Variants in DCAF7 observed in about 807,000 individuals in gnomAD.
The protein encoded by DCAF7 is DDB1- and CUL4-associated factor 7.
In DCAF7, 4 loss-of-function variants were observed where a neutral mutation model predicts 41.2. That is an observed-to-expected ratio of 0.10 (90% CI 0.05 to 0.22). The LOEUF (loss-of-function observed/expected upper bound fraction) is 0.22, where lower values mean the gene tolerates loss of function less well. Among genes scored for constraint, DCAF7 ranks in the 10% least tolerant of loss-of-function variants. DCAF7 has a pLI of 1.00. For missense variants in DCAF7, 131 were observed against 443.2 expected, an observed-to-expected ratio of 0.30 and a Z score of 6.32; for synonymous variants, 143 against 164.2, an observed-to-expected ratio of 0.87 and a Z score of 0.99.
chr17:63,559,343 A>ATG, intron 1 of DCAF7, among the ~76,000 whole-genome samples: 1 of 135,008 alleles, frequency 7.4e-6, no homozygotes, highest in African/African-American at 3.0e-5. Flanking sequence ...ACATACATAT[A>ATG]TATACGTATA....
At chr17:63,588,740 C>T (rs2033704137) in intron 6 of DCAF7, among the ~76,000 whole-genome samples, 2 of 152,134 alleles carry the variant, frequency 1.3e-5, no homozygotes, top group Admixed American at 1.3e-4. Flanking sequence ...GTGGATAGAG[C>T]CTGGGGACAT....
chr17:63,580,587 G>T (rs2033612468), intron 4 of DCAF7, among the ~76,000 whole-genome samples: 1 of 138,866 alleles, frequency 7.2e-6, no homozygotes, highest in South Asian at 2.2e-4. Context: ...GGCGCAATCT[G>T]GGCTCACTGC....
intron 1 of DCAF7, among the ~76,000 whole-genome samples, chr17:63,577,269 A>G (rs1010955090): frequency 7.9e-5 from 12 of 152,314 alleles, no homozygotes; most frequent in African/African-American, 2.4e-4. Flanking sequence ...ATTATATGCA[A>G]CTATACCTAA....
chr17:63,566,315 G>A (rs2033441146), intron 1 of DCAF7, among the ~76,000 whole-genome samples: 1 of 151,818 alleles, frequency 6.6e-6, no homozygotes, highest in Admixed American at 6.6e-5. Context: ...AACTTAGAGT[G>A]AGCAGAGATG....
At chr17:63,556,259 C>T (rs1260133019) in intron 1 of DCAF7, among the ~76,000 whole-genome samples, 1 of 152,188 alleles carries the variant, frequency 6.6e-6, no homozygotes, top group Non-Finnish European at 1.5e-5. Context: ...TTCTTCTGCA[C>T]TAGGACTGTG....
chr17:63,574,815 A>G (rs925167295), intron 1 of DCAF7, among the ~76,000 whole-genome samples: 2 of 151,984 alleles, frequency 1.3e-5, no homozygotes, highest in South Asian at 2.1e-4. Flanking sequence ...TCTACAAAAA[A>G]TACAAAAATT....
intron 6 of DCAF7, among the ~76,000 whole-genome samples, chr17:63,588,042 GAAAAGTA>G (rs2033695753): frequency 1.3e-5 from 2 of 149,902 alleles, no homozygotes; most frequent in Non-Finnish European, 3.0e-5. Flanking sequence ...AGGAACTAGA[GAAAAGTA>G]AACATAAATC....
At chr17:63,582,428 C>G (rs977254836) in intron 4 of DCAF7, among the ~76,000 whole-genome samples, 1 of 150,896 alleles carries the variant, frequency 6.6e-6, no homozygotes, top group Admixed American at 6.6e-5. Flanking sequence ...GTTTCTCTCT[C>G]TATTTGTCTG....
At chr17:63,554,916 T>C (rs1438283620) in intron 1 of DCAF7, among the ~76,000 whole-genome samples, 1 of 152,236 alleles carries the variant, frequency 6.6e-6, no homozygotes, top group East Asian at 1.9e-4. Flanking sequence ...CTCTGCCTTT[T>C]AAAGACTCTG....
At chr17:63,578,857 C>T (rs2033589969) in intron 2 of DCAF7, among the ~76,000 whole-genome samples, 1 of 152,212 alleles carries the variant, frequency 6.6e-6, no homozygotes, top group South Asian at 2.1e-4. Flanking sequence ...GCTCAGTCAA[C>T]CCGAGGTGAT....
chr17:63,566,248 G>A (rs921762388), intron 1 of DCAF7, among the ~76,000 whole-genome samples: 2 of 151,722 alleles, frequency 1.3e-5, no homozygotes, highest in Non-Finnish European at 2.9e-5. Context: ...GTAGGCGCCT[G>A]TAGTCCCAGC....
rs1248532965 is a variant in DCAF7, at chr17:63,591,073, G to A, written c.*1901G>A. 1.3e-5 allele frequency: 2 copies of A among 152,188 alleles called. No individual in the cohort carries two copies. The highest frequency in any genetic ancestry group is 6.5e-5 in the Admixed American group (1 of 15,274). The allele number at this position is 152,188 out of a possible 1,614,324, so 9.4% of individuals were successfully genotyped here. On this transcript the variant is annotated 3_prime_UTR_variant, in exon 7 of 7. Transcript: ENST00000614556. ...ACTGCATCGTTTGGAGATACAAAGC[G>A]AGCAGTTCTTGGTCAGAACCCTCCT...
intron 1 of DCAF7, among the ~76,000 whole-genome samples, chr17:63,570,115 A>G (rs1171394688): frequency 6.6e-6 from 1 of 152,126 alleles, no homozygotes; most frequent in Non-Finnish European, 1.5e-5. Flanking sequence ...GGGGAGGGTG[A>G]TTCATTACAG....
chr17:63,559,524 G>A (rs1297003219), intron 1 of DCAF7, among the ~76,000 whole-genome samples: 4 of 147,560 alleles, frequency 2.7e-5, no homozygotes, highest in Admixed American at 6.8e-5. Flanking sequence ...TGTACCAGCC[G>A]GGTGCAGTGG....
chr17:63,574,912 G>A (rs1304895522), intron 1 of DCAF7, among the ~76,000 whole-genome samples: 1 of 152,140 alleles, frequency 6.6e-6, no homozygotes, highest in Admixed American at 6.6e-5. Context: ...GGTCAAGGCT[G>A]TAGTGAGCTG....
intron 1 of DCAF7, among the ~76,000 whole-genome samples, chr17:63,563,034 C>T (rs948227474): frequency 6.6e-6 from 1 of 152,072 alleles, no homozygotes; most frequent in Non-Finnish European, 1.5e-5. Flanking sequence ...CCATATTGCC[C>T]AGGCTGGTCT....
chr17:63,585,156 G>GC, intron 5 of DCAF7, 55 bp from the exon 6 acceptor site: 1 of 1,466,656 alleles, frequency 6.8e-7, no homozygotes, highest in Non-Finnish European at 9.4e-7. Flanking sequence ...AGTATTTTTT[G>GC]TTTTTTTCTA....
chr17:63,559,313 A>G (rs1465931754), intron 1 of DCAF7, among the ~76,000 whole-genome samples: 1 of 93,222 alleles, frequency 1.1e-5, no homozygotes, highest in Non-Finnish European at 2.0e-5. Flanking sequence ...CCATATATAT[A>G]TATATATGTA....
At chr17:63,566,952 A>T (rs1325173139) in intron 1 of DCAF7, among the ~76,000 whole-genome samples, 1 of 150,312 alleles carries the variant, frequency 6.7e-6, no homozygotes, top group African/African-American at 2.4e-5. Context: ...ATGCAAGTCT[A>T]TTTAAGCTTT....
Sources: gnomAD v4.1 joint callset for allele counts (sites outside exome capture counted in the v4.1 genomes callset) on GRCh38, gnomAD v4.1.1 for gene constraint, MANE v1.5 for transcripts, NCBI Gene and HGNC (gene_info 2026-07-23, HGNC 2026-07-21) for gene names.